ZYG11B: variants seen among roughly 807,000 people sequenced by gnomAD.
ZYG11B encodes the protein protein zyg-11 homolog B.
ZYG11B carries 36 observed loss-of-function variants against 82.4 expected under a neutral mutation model. The ratio of observed to expected loss-of-function variants is 0.44; its 90% CI spans 0.33 to 0.58. The LOEUF is 0.58. ZYG11B is among the 20% of genes least tolerant of loss of function. ZYG11B has a pLI of 0.02. For missense variants in ZYG11B, 552 were observed against 895.6 expected (o/e 0.62, Z 4.90); for synonymous variants, 303 against 312.8 (o/e 0.97, Z 0.33).
intron 1 of ZYG11B, among the ~76,000 whole-genome samples, chr1:52,729,006 A>C (rs1369671935): frequency 6.6e-6 from 1 of 152,216 alleles, no homozygotes; most frequent in East Asian, 1.9e-4. Context: ...AGCCCATTCA[A>C]TCTACTGTAA....
At chr1:52,807,491 C>CT (rs34785263) in intron 10 of ZYG11B, among the ~76,000 whole-genome samples, 17,399 of 128,864 alleles carry the variant, frequency 0.14, 1,917 homozygotes, top group African/African-American at 0.27. Flanking sequence ...GCTAAGAGTA[C>CT]TTTTTTTTTT....
intron 1 of ZYG11B, among the ~76,000 whole-genome samples, chr1:52,736,283 ATTT>A (rs1644377937): frequency 6.6e-6 from 1 of 150,596 alleles, no homozygotes; most frequent in African/African-American, 2.5e-5. Context: ...TGTTTTATTT[ATTT>A]ATTTATTTAT....
At chr1:52,750,614 C>T (rs1018301294) in intron 1 of ZYG11B, among the ~76,000 whole-genome samples, 2 of 152,094 alleles carry the variant, frequency 1.3e-5, no homozygotes, top group African/African-American at 2.4e-5. Flanking sequence ...AGATATAATT[C>T]ACATACCATG....
chr1:52,785,006 AC>A lies in ZYG11B; in HGVS notation c.1225del (p.His409IlefsTer92). On this transcript the variant is annotated frameshift_variant, in exon 5 of 14. Coordinates refer to ENST00000294353, the MANE Select transcript of ZYG11B (RefSeq NM_024646.3). LOFTEE classifies it high-confidence loss of function. ...GCCTGTCCGACTCCTGGCTGATGTGACCCATTTGCTGCTCAAAGCCATGGAA... is the reference window on the plus strand; with the variant it reads ...GCCTGTCCGACTCCTGGCTGATGTGACCATTTGCTGCTCAAAGCCATGGAA... ...GMPVRLLADV[T>X]HLLLKAMEHF... The A allele has an allele frequency of 6.2e-7, 1 of 1,613,922 alleles. No homozygotes were observed.
Position 52,727,035 on chromosome 1 carries a change from T to G in ZYG11B, c.30+352T>G, listed in dbSNP as rs531251058. Among the ~76,000 whole-genome samples the G allele has an allele frequency of 3.9e-5, 6 of 152,164 alleles. No individual in the cohort carries two copies. The East Asian group carries it at 1.2e-3, about 29-fold the overall frequency. ...TATCATTTTGCCTTTTTTCCTCTTATGTGATTTTTACTTTCCCCCCTTTCC... is the reference window on the plus strand; with the variant it reads ...TATCATTTTGCCTTTTTTCCTCTTAGGTGATTTTTACTTTCCCCCCTTTCC... On this transcript the variant is annotated intron_variant, in intron 1 of 13. Transcript: ENST00000294353.
chr1:52,766,318 G>A (rs1028657136), intron 2 of ZYG11B, among the ~76,000 whole-genome samples: 4 of 151,092 alleles, frequency 2.6e-5, no homozygotes, highest in Admixed American at 2.0e-4. Flanking sequence ...ATGGGGTTTC[G>A]TCATGTTGGT....
intron 1 of ZYG11B, among the ~76,000 whole-genome samples, chr1:52,753,915 G>T (rs1214917851): frequency 6.6e-6 from 1 of 152,102 alleles, no homozygotes; most frequent in Non-Finnish European, 1.5e-5. Context: ...ATTTTTACTA[G>T]AGACAGGGTT....
In ZYG11B at chr1:52,803,221, TATACACACATATATATATACACAC is replaced by T. The variant is rs1558140491; in HGVS notation, c.1695+1084_1695+1107del. ...ATATATATACACACACATATATATA[TATACACACATATATATATACACAC>T]ACACATATATATATATATATACACA... On this transcript the variant is annotated intron_variant, in intron 10 of 13. Transcript: ENST00000294353. Among the ~76,000 whole-genome samples, 32 of 74,000 alleles carry T rather than the reference TATACACACATATATATATACACAC, an allele frequency of 4.3e-4. 3 individuals carry two copies. The highest frequency in any genetic ancestry group is 2.9e-3 in the African/African-American group (30 of 10,298). 48.5% of individuals were successfully genotyped at this position (74,000 alleles called of 152,430 possible).
chr1:52,738,045 G>A (rs1644392318), intron 1 of ZYG11B, among the ~76,000 whole-genome samples: 1 of 152,128 alleles, frequency 6.6e-6, no homozygotes, highest in African/African-American at 2.4e-5. Flanking sequence ...GAGATGAATT[G>A]CGAAGCAGTA....
chr1:52,776,809 T>G (rs1383481960), intron 3 of ZYG11B, among the ~76,000 whole-genome samples: 3 of 152,164 alleles, frequency 2.0e-5, no homozygotes, highest in Non-Finnish European at 2.9e-5. Flanking sequence ...CTGAACACTT[T>G]GAAAAATTTT....
chr1:52,785,212 T>C (rs1644903327), intron 5 of ZYG11B, among the ~76,000 whole-genome samples, 159 bp downstream of exon 5: 1 of 152,166 alleles, frequency 6.6e-6, no homozygotes. Flanking sequence ...CAAAGGAGTA[T>C]ATTCCGTGCC....
intron 5 of ZYG11B, 94 bp from the exon 6 acceptor site, chr1:52,789,909 C>G (rs1471794447): frequency 1.2e-6 from 1 of 849,466 alleles, no homozygotes; most frequent in Non-Finnish European, 1.7e-6. Flanking sequence ...TTTCATCAGT[C>G]TTCTTCTTTT....
intron 4 of ZYG11B, among the ~76,000 whole-genome samples, chr1:52,783,860 G>GCA (rs1558132654): frequency 7.0e-6 from 1 of 142,450 alleles, no homozygotes; most frequent in African/African-American, 2.8e-5. Context: ...ACGTGTGTGT[G>GCA]TATGTACATA....
Position 52,803,622 on chromosome 1 carries a change from CAG to C in ZYG11B, c.1695+1486_1695+1487del, listed in dbSNP as rs150287128. 2.6e-4 allele frequency among the ~76,000 whole-genome samples: 40 copies of C among 152,150 alleles called. No individual in the cohort carries two copies. The East Asian group carries it at 7.7e-3, about 29-fold the overall frequency. ...TACTTTTTTAAATTTATTTTTGAGA[CAG>C]AGTCTGTCACTCTGTTGCCCATTGT... is the stretch of plus-strand genomic sequence containing the variant. On this transcript the variant is annotated intron_variant, in intron 10 of 13. Coordinates refer to ENST00000294353, the MANE Select transcript of ZYG11B (RefSeq NM_024646.3).
At chr1:52,803,580 T>C (rs1370557224) in intron 10 of ZYG11B, among the ~76,000 whole-genome samples, 2 of 152,020 alleles carry the variant, frequency 1.3e-5, no homozygotes, top group African/African-American at 4.8e-5. Context: ...GTACAAAGTT[T>C]CACACTGAGC....
intron 2 of ZYG11B, among the ~76,000 whole-genome samples, chr1:52,762,857 C>T (rs142190815): frequency 0.024 from 3,694 of 151,974 alleles, 155 homozygotes; most frequent in African/African-American, 0.085. Flanking sequence ...GTTGGGATTA[C>T]AAGTGTGAGC....
chr1:52,818,518 T>A (rs1272220178), intron 13 of ZYG11B, among the ~76,000 whole-genome samples: 1 of 151,766 alleles, frequency 6.6e-6, no homozygotes, highest in Non-Finnish European at 1.5e-5. Flanking sequence ...AATAGTCAAA[T>A]GTAGACTTGT....
At chr1:52,727,793 A>T (rs1325350915) in intron 1 of ZYG11B, among the ~76,000 whole-genome samples, 6 of 152,066 alleles carry the variant, frequency 3.9e-5, no homozygotes, top group Non-Finnish European at 8.8e-5. Context: ...TTTTTCATTG[A>T]GTTGGGTTAT....
chr1:52,736,533 A>C lies in ZYG11B; in HGVS notation c.30+9850A>C, dbSNP rs1356075801. Among the ~76,000 whole-genome samples the C allele has an allele frequency of 4.6e-5, 7 of 152,040 alleles. No individual in the cohort carries two copies. In the South Asian group the frequency reaches 8.3e-4, roughly 18 times the overall value. ...AGTGGCACCATCTCGGCTCACTGCAACCTCGGCCTCCCAGGTTCAAGCAAT... is the reference window on the plus strand; with the variant it reads ...AGTGGCACCATCTCGGCTCACTGCACCCTCGGCCTCCCAGGTTCAAGCAAT... On this transcript the variant is annotated intron_variant, in intron 1 of 13. Transcript: ENST00000294353.
Sources: allele counts gnomAD v4.1 joint callset (sites outside exome capture counted in the v4.1 genomes callset), GRCh38; gene constraint gnomAD v4.1.1; transcripts MANE v1.5; gene names NCBI Gene and HGNC (gene_info 2026-07-23, HGNC 2026-07-21).